The following SEPTIN12 variants were observed in gnomAD, a reference collection of about 807,000 sequenced individuals.
The protein encoded by SEPTIN12 is septin-12.
In SEPTIN12, 42 loss-of-function variants were observed where a neutral mutation model predicts 37.7. The ratio of observed to expected loss-of-function variants is 1.11; its 90% confidence interval spans 0.87 to 1.44. The LOEUF is 1.44. SEPTIN12 is among the 40% of genes most tolerant of loss of function. SEPTIN12 has a pLI of 0.00. For missense variants in SEPTIN12, 613 were observed against 479.2 expected (o/e 1.28, Z -2.61); for synonymous variants, 254 against 196.7 (o/e 1.29, Z -2.44).
chr16:4,789,264 G>A (rs1440671385), upstream of SEPTIN12, among the ~76,000 whole-genome samples: 30 of 152,030 alleles, frequency 2.0e-4, no homozygotes, highest in Admixed American at 2.0e-3. Flanking sequence ...CACCAACCCT[G>A]GTCTCCCAAA....
intron 4 of SEPTIN12, 68 bp from the exon 5 acceptor site, chr16:4,784,136 G>A: frequency 6.3e-7 from 1 of 1,586,120 alleles, no homozygotes; most frequent in Non-Finnish European, 8.6e-7. Context: ...CCTCTCCTCT[G>A]TGTCCTCTGG....
upstream of SEPTIN12, chr16:4,789,904 CT>C (rs2082524551): frequency 4.8e-5 from 7 of 146,336 alleles, no homozygotes; most frequent in Non-Finnish European, 1.0e-4. Flanking sequence ...TTTCTCCTTT[CT>C]TTTCTTTCTT....
chr16:4,787,144 G>A lies in SEPTIN12; in HGVS notation c.166+336C>T, dbSNP rs536112882. Among the ~76,000 whole-genome samples the A allele has an allele frequency of 1.1e-3, 171 of 152,098 alleles. 1 individual carries two copies. The highest frequency in any genetic ancestry group is 1.0e-3 in the Non-Finnish European group (71 of 67,998). On this transcript the variant is annotated intron_variant, in intron 2 of 9. Coordinates refer to ENST00000268231, the MANE Select transcript of SEPTIN12 (RefSeq NM_144605.5). ...TCCTGCCTTGGCCTTTCAAAGTGCT[G>A]GAATTACAGGCTTGAGCCACCATGC...
intron 8 of SEPTIN12, among the ~76,000 whole-genome samples, chr16:4,778,963 C>T (rs1289022191): frequency 2.6e-5 from 4 of 151,672 alleles, no homozygotes; most frequent in East Asian, 1.9e-4. Context: ...ATAGTGAAAC[C>T]CCGTCTCTCA....
chr16:4,788,855 G>A (rs1036131411), upstream of SEPTIN12: 2 of 152,156 alleles, frequency 1.3e-5, no homozygotes, highest in Non-Finnish European at 2.9e-5. Context: ...CTGAGTCTGT[G>A]TGCTCACCCT....
intron 7 of SEPTIN12, among the ~76,000 whole-genome samples, chr16:4,782,711 C>G (rs994763640): frequency 1.3e-5 from 2 of 151,432 alleles, no homozygotes; most frequent in Non-Finnish European, 2.9e-5. Context: ...TCAACCGATT[C>G]TCCTGCCTCA....
chr16:4,789,833 A>C (rs1469400595), upstream of SEPTIN12: 1 of 151,794 alleles, frequency 6.6e-6, no homozygotes, highest in Non-Finnish European at 1.5e-5. Context: ...TGACTTCACA[A>C]GGCTTAGGCA....
At chr16:4,785,022 G>A (rs1458976817) in intron 4 of SEPTIN12, among the ~76,000 whole-genome samples, 5 of 152,048 alleles carry the variant, frequency 3.3e-5, no homozygotes, top group South Asian at 2.1e-4. Flanking sequence ...TGAGGTGGGC[G>A]GACCACCCGA....
chr16:4,777,977 C>G lies in SEPTIN12; in HGVS notation c.897G>C (p.Lys299Asn). ...LLIRSHLQDLKDITHNIHYEN... is the reference protein window; with the variant it reads ...LLIRSHLQDLNDITHNIHYEN... The stretch of plus-strand genomic sequence containing the variant: ...CATAGTGGATGTTGTGGGTTATGTC[C>G]TTCAGGTCTTGGAGGTGGGAGCTGG... Residue 299 changes from lysine to asparagine, a missense_variant, in exon 10 of 10, where the codon AAG becomes AAC. Transcript: ENST00000268231. 6.2e-7 allele frequency: 1 copy of G among 1,611,788 alleles called. No individual in the cohort carries two copies. Among genetic ancestry groups the G allele is most frequent in the Non-Finnish European group, 8.5e-7 (1 of 1,179,026 alleles).
chr16:4,784,409 T>G, intron 4 of SEPTIN12: 1 of 287,474 alleles, frequency 3.5e-6, no homozygotes, highest in South Asian at 5.0e-5. Flanking sequence ...GTCTCCCTCC[T>G]CCTCTTCGAG....
At chr16:4,780,783 A>C (rs1394941029) in intron 7 of SEPTIN12, among the ~76,000 whole-genome samples, 1 of 152,214 alleles carries the variant, frequency 6.6e-6, no homozygotes, top group Admixed American at 6.5e-5. Context: ...CTTCAAGACC[A>C]GCCTGGTCAA....
At chr16:4,779,496 G>C (rs2082349413) in intron 8 of SEPTIN12, among the ~76,000 whole-genome samples, 194 bp downstream of exon 8, 1 of 152,218 alleles carries the variant, frequency 6.6e-6, no homozygotes, top group Non-Finnish European at 1.5e-5. Context: ...CCACTTTACT[G>C]TGAGGAAACT....
At chr16:4,778,044 C>T in intron 9 of SEPTIN12, 42 bp downstream of exon 9, 1 of 1,612,776 alleles carries the variant, frequency 6.2e-7, no homozygotes. Flanking sequence ...GTCCCCAGGG[C>T]CCCTCGCCAG....
chr16:4,786,529 G>T (rs2082451235), intron 2 of SEPTIN12, among the ~76,000 whole-genome samples: 1 of 150,630 alleles, frequency 6.6e-6, no homozygotes, highest in Non-Finnish European at 1.5e-5. Context: ...TAATTTTTTT[G>T]TATTTTTAGT....
At chr16:4,778,380 G>A (rs1375914437) in intron 8 of SEPTIN12, among the ~76,000 whole-genome samples, 3 of 152,206 alleles carry the variant, frequency 2.0e-5, no homozygotes, top group African/African-American at 4.8e-5. Flanking sequence ...TGTATTATAT[G>A]TACACTCGGC....
At chr16:4,791,551 C>T (rs1201320559), upstream of SEPTIN12, among the ~76,000 whole-genome samples, 1 of 152,174 alleles carries the variant, frequency 6.6e-6, no homozygotes, top group Non-Finnish European at 1.5e-5. Flanking sequence ...GAACGTTACT[C>T]AAGCTCACAC....
chr16:4,778,498 G>T (rs556075161), intron 8 of SEPTIN12, among the ~76,000 whole-genome samples: 1 of 152,196 alleles, frequency 6.6e-6, no homozygotes, highest in Non-Finnish European at 1.5e-5. Context: ...TATATCATAG[G>T]CAATAGTATA....
chr16:4,783,705 CG>C lies in SEPTIN12; in HGVS notation c.573del (p.Val192Ter), dbSNP rs767350415. The C allele has an allele frequency of 2.5e-6, 4 of 1,614,096 alleles. No homozygotes were observed. Among genetic ancestry groups the C allele is most frequent in the South Asian group, 1.1e-5 (1 of 91,090 alleles). On this transcript the variant is annotated frameshift_variant, in exon 6 of 10. Coordinates refer to ENST00000268231, the MANE Select transcript of SEPTIN12 (RefSeq NM_144605.5). LOFTEE classifies it high-confidence loss of function. Reference sequence around the variant, plus strand: ...GTCAGGCTGTCGGCCCTGGCAATCACGGGCACCACATTCACAGTCCGGCACA... The same window carrying C: ...GTCAGGCTGTCGGCCCTGGCAATCACGGCACCACATTCACAGTCCGGCACA... ...QRLCRTVNVV[P>X]VIARADSLTM...
intron 8 of SEPTIN12, among the ~76,000 whole-genome samples, chr16:4,778,473 G>T (rs911714186): frequency 6.6e-6 from 1 of 152,162 alleles, no homozygotes; most frequent in African/African-American, 2.4e-5. Flanking sequence ...CACCCTCTGC[G>T]GATAGCATGG....
Sources: allele counts gnomAD v4.1 joint callset (sites outside exome capture counted in the v4.1 genomes callset), GRCh38; gene constraint gnomAD v4.1.1; transcripts MANE v1.5; gene names NCBI Gene and HGNC (gene_info 2026-07-23, HGNC 2026-07-21).